The following CPQ variants were observed in gnomAD, a reference collection of about 807,000 sequenced individuals.
CPQ encodes Ser-Met dipeptidase.
In CPQ, 37 loss-of-function variants were observed where a neutral mutation model predicts 45.7. That is an observed-to-expected ratio of 0.81 (90% CI 0.62 to 1.07). The LOEUF is 1.07. Among genes scored for constraint, CPQ ranks in the 50% least tolerant of loss-of-function variants. CPQ has a pLI of 0.00. For synonymous variants in CPQ, 186 were observed against 205.8 expected, an observed-to-expected ratio of 0.90 and a Z score of 0.82; for missense variants, 537 against 572.9, an observed-to-expected ratio of 0.94 and a Z score of 0.64.
At chr8:97,002,485 G>T (rs1211774938) in intron 5 of CPQ, among the ~76,000 whole-genome samples, 1 of 152,146 alleles carries the variant, frequency 6.6e-6, no homozygotes, top group African/African-American at 2.4e-5. Context: ...TAGTTTCAAA[G>T]AACTTCTTGA....
chr8:96,825,215 G>A (rs1811363910), intron 2 of CPQ, among the ~76,000 whole-genome samples: 1 of 151,876 alleles, frequency 6.6e-6, no homozygotes, highest in Non-Finnish European at 1.5e-5. Flanking sequence ...CTTGTGCCTG[G>A]GGCTTCTGAA....
At chr8:96,782,034 A>G (rs1249291804) in intron 1 of CPQ, among the ~76,000 whole-genome samples, 1 of 152,098 alleles carries the variant, frequency 6.6e-6, no homozygotes, top group Non-Finnish European at 1.5e-5. Flanking sequence ...GCTTTGCTGG[A>G]ACGTTGGAGT....
At chr8:97,016,672 A>T (rs1809586128) in intron 5 of CPQ, among the ~76,000 whole-genome samples, 1 of 152,174 alleles carries the variant, frequency 6.6e-6, no homozygotes, top group Non-Finnish European at 1.5e-5. Context: ...TCTGCCTTTG[A>T]GTTAGGGGAG....
intron 1 of CPQ, among the ~76,000 whole-genome samples, chr8:96,771,957 A>G (rs530174742): frequency 2.0e-5 from 3 of 152,198 alleles, no homozygotes; most frequent in Non-Finnish European, 2.9e-5. Context: ...TCTACCCACA[A>G]TGAGTTCACA....
chr8:96,819,829 G>A (rs565560068), intron 2 of CPQ, among the ~76,000 whole-genome samples: 10 of 151,956 alleles, frequency 6.6e-5, no homozygotes, highest in African/African-American at 1.2e-4. Flanking sequence ...GGATCATACC[G>A]GAAAGCCATG....
intron 5 of CPQ, among the ~76,000 whole-genome samples, chr8:96,982,569 C>G (rs968396249): frequency 1.2e-4 from 19 of 152,162 alleles, no homozygotes; most frequent in Admixed American, 6.5e-4. Context: ...CCTCAAACTC[C>G]TGGACTCAAG....
intron 4 of CPQ, among the ~76,000 whole-genome samples, chr8:96,935,917 AC>A (rs1813041418): frequency 6.6e-6 from 1 of 151,988 alleles, no homozygotes; most frequent in Non-Finnish European, 1.5e-5. Flanking sequence ...TTATCCTCAC[AC>A]CTGGGCTTTC....
intron 1 of CPQ, among the ~76,000 whole-genome samples, chr8:96,728,152 G>A (rs190968301): frequency 1.2e-4 from 18 of 152,244 alleles, no homozygotes; most frequent in African/African-American, 4.3e-4. Flanking sequence ...GCAGGGCAAT[G>A]TCTGATTACT....
intron 7 of CPQ, among the ~76,000 whole-genome samples, chr8:97,107,845 G>A (rs1208359594): frequency 6.6e-6 from 1 of 152,170 alleles, no homozygotes; most frequent in African/African-American, 2.4e-5. Context: ...GTGGGAAATA[G>A]ATGATGTGGA....
chr8:96,872,934 A>G (rs192328088), intron 3 of CPQ, among the ~76,000 whole-genome samples: 50 of 151,870 alleles, frequency 3.3e-4, no homozygotes, highest in Admixed American at 2.6e-3. Flanking sequence ...AATCTTCTTT[A>G]TATTTTTATG....
chr8:96,784,307 T>A (rs1415890683), intron 1 of CPQ, among the ~76,000 whole-genome samples: 1 of 152,042 alleles, frequency 6.6e-6, no homozygotes, highest in Non-Finnish European at 1.5e-5. Flanking sequence ...TACCACAGTT[T>A]GTGGCATCTA....
chr8:96,968,045 AG>A (rs35002057), intron 5 of CPQ, among the ~76,000 whole-genome samples: 7,632 of 152,316 alleles, frequency 0.05, 275 homozygotes, highest in Non-Finnish European at 0.073. Flanking sequence ...TTTTAATATA[AG>A]AGAAGATGAT....
chr8:97,117,828 G>T (rs950593718), intron 7 of CPQ, among the ~76,000 whole-genome samples: 6 of 152,150 alleles, frequency 3.9e-5, no homozygotes, highest in Admixed American at 1.3e-4. Context: ...TTCCCAAAGT[G>T]CCAGGATTAC....
chr8:97,006,538 A>T (rs1809387125), intron 5 of CPQ, among the ~76,000 whole-genome samples: 1 of 152,190 alleles, frequency 6.6e-6, no homozygotes, highest in South Asian at 2.1e-4. Flanking sequence ...CTATATGAAA[A>T]ATTCCAGCTT....
chr8:97,048,949 A>T (rs914013944), intron 6 of CPQ, among the ~76,000 whole-genome samples: 2 of 152,182 alleles, frequency 1.3e-5, no homozygotes, highest in Non-Finnish European at 2.9e-5. Flanking sequence ...ATAAGAATGG[A>T]GCAAATGAAG....
intron 1 of CPQ, among the ~76,000 whole-genome samples, chr8:96,657,036 T>C (rs887608208): frequency 2.0e-5 from 3 of 151,308 alleles, no homozygotes; most frequent in Admixed American, 6.6e-5. Flanking sequence ...TTTTTTTTAC[T>C]GTATGGGCCC....
At chr8:96,647,754 T>C (rs1815533886) in intron 1 of CPQ, among the ~76,000 whole-genome samples, 1 of 152,252 alleles carries the variant, frequency 6.6e-6, no homozygotes, top group African/African-American at 2.4e-5. Context: ...TTGAAAATTA[T>C]TGAATTCCAT....
At chr8:96,924,615 C>T (rs533853403) in intron 4 of CPQ, among the ~76,000 whole-genome samples, 1 of 152,186 alleles carries the variant, frequency 6.6e-6, no homozygotes, top group East Asian at 1.9e-4. Flanking sequence ...CCATTCACTC[C>T]CTAATTATGG....
At chr8:97,087,326 C>T (rs1330009947) in intron 7 of CPQ, among the ~76,000 whole-genome samples, 7 of 152,056 alleles carry the variant, frequency 4.6e-5, no homozygotes, top group South Asian at 2.1e-4. Context: ...TGTGAAAAAC[C>T]GAAGGGGAAT....
Sources: allele counts gnomAD v4.1 joint callset (sites outside exome capture counted in the v4.1 genomes callset), GRCh38; gene constraint gnomAD v4.1.1; transcripts MANE v1.5; gene names NCBI Gene and HGNC (gene_info 2026-07-23, HGNC 2026-07-21).